SH3BP4: variants seen among roughly 807,000 people sequenced by gnomAD.
SH3BP4 encodes SH3 domain-binding protein 4.
In SH3BP4, 33 loss-of-function variants were observed where a neutral mutation model predicts 65.5. The ratio of observed to expected loss-of-function variants is 0.50; its 90% CI spans 0.38 to 0.67. The LOEUF (loss-of-function observed/expected upper bound fraction) is 0.67, where lower values mean the gene tolerates loss of function less well. Ranked by LOEUF, SH3BP4 falls within the 30% of genes least tolerant of loss-of-function variation. SH3BP4 has a pLI of 0.00. For missense variants in SH3BP4, 1,134 were observed against 1,261.4 expected, an observed-to-expected ratio of 0.90 and a Z score of 1.53; for synonymous variants, 552 against 545.5, an observed-to-expected ratio of 1.01 and a Z score of -0.17.
At chr2:234,990,758 A>C (rs1380629597) in intron 1 of SH3BP4, among the ~76,000 whole-genome samples, 12 of 152,226 alleles carry the variant, frequency 7.9e-5, no homozygotes, top group Admixed American at 7.9e-4. Context: ...TGGTTTGCAC[A>C]GTGGAAAAGG....
At chr2:234,979,739 C>T (rs1693302809) in intron 1 of SH3BP4, 1 of 152,112 alleles carries the variant, frequency 6.6e-6, no homozygotes, top group Non-Finnish European at 1.5e-5. Flanking sequence ...GGTGGCCTCC[C>T]CCGGCAGCCA....
At chr2:234,953,957 A>G (rs944924240) in intron 1 of SH3BP4, among the ~76,000 whole-genome samples, 15 of 151,656 alleles carry the variant, frequency 9.9e-5, no homozygotes, top group African/African-American at 3.6e-4. Flanking sequence ...GGGCAGTGAT[A>G]TTTAGGCGGG....
intron 1 of SH3BP4, chr2:234,953,054 C>G (rs1692511382): frequency 6.6e-6 from 1 of 152,238 alleles, no homozygotes; most frequent in Non-Finnish European, 1.5e-5. Context: ...AGCAGAGGGT[C>G]GTGGAGCCTG....
chr2:234,998,405 G>A (rs765597598), intron 2 of SH3BP4, among the ~76,000 whole-genome samples: 7 of 152,314 alleles, frequency 4.6e-5, no homozygotes, highest in East Asian at 1.9e-4. Flanking sequence ...GGGTGGTAGC[G>A]GAGTCACCCA....
Position 235,043,119 on chromosome 2 carries a change from A to G in SH3BP4, c.2350A>G (p.Thr784Ala). ...CCTGGGCTACGTGAACCTGCCGCTCACCTTTTTCTGCCGGGCAGAGCTGGA... is the reference window on the plus strand; with the variant it reads ...CCTGGGCTACGTGAACCTGCCGCTCGCCTTTTTCTGCCGGGCAGAGCTGGA... ...DALGYVNLPL[T>A]FFCRAELDSE... The change falls in exon 4 of 6, where the codon ACC becomes GCC. Residue 784 changes from threonine (T) to alanine (A), a missense_variant. Physicochemically the swap from Thr to Ala is moderately conservative, Grantham distance 58. Transcript: ENST00000392011. 1 of 1,613,706 alleles carries G rather than the reference A, an allele frequency of 6.2e-7. No homozygotes were observed. The highest frequency in any genetic ancestry group is 8.5e-7 in the Non-Finnish European group (1 of 1,179,980).
At position 235,035,141 on chromosome 2, in the gene SH3BP4, A is replaced by G. The variant is rs1321727355; in HGVS notation, c.118+21A>G. ...CAAAGGTGAGCTTCTGGGGAACAGG[A>G]CTGTGGCTAAGGGAGAACGTTGGGA... is the stretch of plus-strand genomic sequence containing the variant. On this transcript the variant is annotated intron_variant, in intron 3 of 5. Transcript: ENST00000392011. This position sits in a 1 kb window ranked among gnomAD's most constrained non-coding sequence, Gnocchi z 5.0. The G allele has an allele frequency of 6.4e-7, 1 of 1,560,500 alleles. No individual in the cohort carries two copies. Among genetic ancestry groups the G allele is most frequent in the East Asian group, 2.2e-5 (1 of 44,618 alleles).
intron 1 of SH3BP4, among the ~76,000 whole-genome samples, chr2:234,984,229 G>T (rs1032307102): frequency 6.6e-6 from 1 of 152,090 alleles, no homozygotes; most frequent in Non-Finnish European, 1.5e-5. Context: ...TGCGGGGCAG[G>T]GTCTCATTCT....
At chr2:234,971,620 G>T (rs1408017970) in intron 1 of SH3BP4, among the ~76,000 whole-genome samples, 3 of 152,068 alleles carry the variant, frequency 2.0e-5, no homozygotes, top group Non-Finnish European at 4.4e-5. Context: ...AGTGTACAAG[G>T]GTTCCGGTTC....
intron 1 of SH3BP4, among the ~76,000 whole-genome samples, chr2:234,987,685 AT>A (rs1306395310): frequency 6.6e-6 from 1 of 152,096 alleles, no homozygotes; most frequent in Non-Finnish European, 1.5e-5. Flanking sequence ...TTAGGTGGTG[AT>A]TTTCGAAACC....
intron 3 of SH3BP4, among the ~76,000 whole-genome samples, chr2:235,036,051 G>A (rs1695367927): frequency 6.6e-6 from 1 of 152,190 alleles, no homozygotes; most frequent in African/African-American, 2.4e-5. Context: ...AATGTTTCTT[G>A]AACTAAACTG....
At chr2:235,039,490 A>AG (rs1353262999) in intron 3 of SH3BP4, among the ~76,000 whole-genome samples, 7 of 151,874 alleles carry the variant, frequency 4.6e-5, no homozygotes, top group Non-Finnish European at 1.0e-4. Context: ...TTAAAAAAAA[A>AG]AAAGAAAGAA....
Position 234,978,317 on chromosome 2 carries a change from CCATTCATT to C in SH3BP4, c.-206-16975_-206-16968del, listed in dbSNP as rs1223882262. The stretch of plus-strand genomic sequence containing the variant: ...AGAAGAGCTTCATTCATTAATTCAT[CCATTCATT>C]CATTCATTCAACAAGTACCTGACAG... On this transcript the variant is annotated intron_variant, in intron 1 of 5. Transcript: ENST00000392011. The surrounding 1 kb of genome is among the most constrained non-coding windows in gnomAD (Gnocchi z 4.1). 2.6e-5 allele frequency among the ~76,000 whole-genome samples: 4 copies of C among 152,198 alleles called. No individual in the cohort carries two copies. The highest frequency in any genetic ancestry group is 1.3e-4 in the Admixed American group (2 of 15,280).
At chr2:235,002,497 G>A (rs1477325049) in intron 2 of SH3BP4, among the ~76,000 whole-genome samples, 3 of 152,152 alleles carry the variant, frequency 2.0e-5, no homozygotes, top group Non-Finnish European at 4.4e-5. Flanking sequence ...AGGCTGAAGC[G>A]GGCGGATCAC....
In SH3BP4 at chr2:235,020,847, G is replaced by T. The variant is rs555707328; in HGVS notation, c.-132-14024G>T. Among the ~76,000 whole-genome samples, 3 of 152,172 alleles carry T rather than the reference G, an allele frequency of 2.0e-5. No homozygotes were observed. The East Asian group carries it at 5.8e-4, about 29-fold the overall frequency. On this transcript the variant is annotated intron_variant, in intron 2 of 5. Coordinates refer to ENST00000392011, the MANE Select transcript of SH3BP4 (RefSeq NM_014521.3). The stretch of plus-strand genomic sequence containing the variant: ...TTCAAGGGCAAGTGATTTTTGTCCT[G>T]AGCCTCCCAGCTGGTGATTGGTAGT...
chr2:234,958,430 G>A (rs1053569844), intron 1 of SH3BP4, among the ~76,000 whole-genome samples: 1 of 152,080 alleles, frequency 6.6e-6, no homozygotes, highest in Non-Finnish European at 1.5e-5. Flanking sequence ...GCCCTGGGGG[G>A]GTGTCTGGGG....
Position 235,042,056 on chromosome 2 carries a change from G to C in SH3BP4, c.1287G>C (p.Pro429=), listed in dbSNP as rs551913698. ...DSKEGPYVSV[P]LNCSCGDTVQ... is the part of the protein sequence containing the mutation. ...AGGAAGGGCCATATGTCTCCGTCCCGCTCAACTGCAGCTGTGGGGACACGG... is the reference window on the plus strand; with the variant it reads ...AGGAAGGGCCATATGTCTCCGTCCCCCTCAACTGCAGCTGTGGGGACACGG... Residue 429 remains proline (P), a synonymous_variant, in exon 4 of 6, where the codon CCG becomes CCC. Coordinates refer to ENST00000392011, the MANE Select transcript of SH3BP4 (RefSeq NM_014521.3). This position sits in a 1 kb window ranked among gnomAD's most constrained non-coding sequence, Gnocchi z 7.3. 2 of 1,613,932 alleles carry C rather than the reference G, an allele frequency of 1.2e-6. No individual in the cohort carries two copies. Among genetic ancestry groups the C allele is most frequent in the African/African-American group, 1.3e-5 (1 of 74,922 alleles).
chr2:235,039,490 AAAAGAAAG>A (rs991527387), intron 3 of SH3BP4, among the ~76,000 whole-genome samples: 3 of 151,874 alleles, frequency 2.0e-5, no homozygotes, highest in Admixed American at 6.6e-5. Flanking sequence ...TTAAAAAAAA[AAAAGAAAG>A]AAAGAAAGAA....
Position 234,989,880 on chromosome 2 carries a change from G to A in SH3BP4, c.-206-5423G>A, listed in dbSNP as rs115783720. The stretch of plus-strand genomic sequence containing the variant: ...TCTGGGTTGGACAAGAATTTTCAGG[G>A]TGAACACCCCTCATCCAAAAATTTG... On this transcript the variant is annotated intron_variant, in intron 1 of 5. Coordinates refer to ENST00000392011, the MANE Select transcript of SH3BP4 (RefSeq NM_014521.3). Among the ~76,000 whole-genome samples the A allele has an allele frequency of 3.8e-3, 572 of 152,262 alleles. 1 individual carries two copies. The highest frequency in any genetic ancestry group is 0.013 in the African/African-American group (537 of 41,544).
At position 235,026,702 on chromosome 2, in the gene SH3BP4, G is replaced by A. The variant is rs887057651; in HGVS notation, c.-132-8169G>A. 1.3e-5 allele frequency among the ~76,000 whole-genome samples: 2 copies of A among 152,188 alleles called. No homozygotes were observed. The highest frequency in any genetic ancestry group is 2.4e-5 in the African/African-American group (1 of 41,452). ...ACCTTTCTCAAACTCAGACTGGAAC[G>A]TGTGGTCCTGCCCTCGTTCCTCATT... On this transcript the variant is annotated intron_variant, in intron 2 of 5. Transcript: ENST00000392011. This position sits in a 1 kb window ranked among gnomAD's most constrained non-coding sequence, Gnocchi z 4.6.
Sources: gnomAD v4.1 joint callset for allele counts (sites outside exome capture counted in the v4.1 genomes callset) on GRCh38, gnomAD v4.1.1 for gene constraint, Gnocchi (gnomAD v3.1) non-coding constraint, MANE v1.5 for transcripts, NCBI Gene and HGNC (gene_info 2026-07-23, HGNC 2026-07-21) for gene names.